NTNG1: variants seen among roughly 807,000 people sequenced by gnomAD.
NTNG1 encodes netrin-G1.
In NTNG1, 16 loss-of-function variants were observed where a neutral mutation model predicts 54.0. The ratio of observed to expected loss-of-function variants is 0.30; its 90% CI spans 0.20 to 0.45. The LOEUF (loss-of-function observed/expected upper bound fraction) is 0.45. Ranked by LOEUF, NTNG1 falls within the 20% of genes least tolerant of loss-of-function variation. NTNG1 has a pLI of 1.00. For synonymous variants in NTNG1, 255 were observed against 263.1 expected (o/e 0.97, Z 0.30); for missense variants, 530 against 678.7 (o/e 0.78, Z 2.43).
chr1:107,344,596 A>G (rs2101937200), intron 3 of NTNG1, among the ~76,000 whole-genome samples: 1 of 152,224 alleles, frequency 6.6e-6, no homozygotes, highest in Non-Finnish European at 1.5e-5. Context: ...ATTTTTTTCA[A>G]GTCTACTTGA....
intron 7 of NTNG1, among the ~76,000 whole-genome samples, chr1:107,447,082 T>A (rs943250362): frequency 7.8e-6 from 1 of 128,882 alleles, no homozygotes; most frequent in African/African-American, 2.6e-5. Context: ...TTACAGATAT[T>A]TTTTTCTAAA....
rs1276283279 is a variant in NTNG1, at chr1:107,148,683, T to C, written c.90T>C (p.Tyr30=). ...CCTACCCTTTGGTTTGGGGACATTA[T>C]GATTTGTGTAAGACTCAGATTTACA... is the stretch of plus-strand genomic sequence containing the variant. The part of the protein sequence containing the change: ...MQPYPLVWGH[Y]DLCKTQIYTE... The change falls in exon 2 of 8, where the codon TAT becomes TAC. Residue 30 remains tyrosine, a synonymous_variant. Transcript: ENST00000370068. 6.2e-7 allele frequency: 1 copy of C among 1,613,730 alleles called. No individual in the cohort carries two copies. The highest frequency in any genetic ancestry group is 2.2e-5 in the East Asian group (1 of 44,864).
intron 2 of NTNG1, among the ~76,000 whole-genome samples, chr1:107,278,632 T>C (rs1232245377): frequency 6.6e-6 from 1 of 152,186 alleles, no homozygotes; most frequent in Non-Finnish European, 1.5e-5. Flanking sequence ...CCATAACCTC[T>C]CTTTCAATGA....
intron 2 of NTNG1, among the ~76,000 whole-genome samples, chr1:107,228,137 A>C (rs1248635666): frequency 6.6e-6 from 1 of 152,118 alleles, no homozygotes; most frequent in Non-Finnish European, 1.5e-5. Flanking sequence ...TTCCTCGTTG[A>C]GATTTGAATC....
At chr1:107,237,618 C>T (rs1661499408) in intron 2 of NTNG1, among the ~76,000 whole-genome samples, 1 of 152,060 alleles carries the variant, frequency 6.6e-6, no homozygotes, top group South Asian at 2.1e-4. Context: ...GCCCAGGGTC[C>T]CTGTGCTATG....
In NTNG1 at chr1:107,141,116, G is replaced by C. The variant is rs1217646123; in HGVS notation, c.-550G>C. On this transcript the variant is annotated 5_prime_UTR_variant, in exon 1 of 8. Transcript: ENST00000370068. The stretch of plus-strand genomic sequence containing the variant: ...TCCGAGAGGGGGCGACTTGCAGGAG[G>C]CTCCCCCCGGGGGCGGAGGCGAAGG... The C allele has an allele frequency of 6.6e-6, 1 of 152,496 alleles. No homozygotes were observed. The highest frequency in any genetic ancestry group is 1.5e-5 in the Non-Finnish European group (1 of 68,020). The allele number at this position is 152,496 out of a possible 1,614,324, so 9.4% of individuals were successfully genotyped here.
At chr1:107,218,641 G>A (rs866785055) in intron 2 of NTNG1, among the ~76,000 whole-genome samples, 4 of 152,166 alleles carry the variant, frequency 2.6e-5, no homozygotes, top group African/African-American at 9.7e-5. Flanking sequence ...TTCTCATGGT[G>A]CTGGCTTGGT....
chr1:107,475,667 C>A (rs891082558), intron 7 of NTNG1, among the ~76,000 whole-genome samples: 1 of 152,154 alleles, frequency 6.6e-6, no homozygotes, highest in Non-Finnish European at 1.5e-5. Flanking sequence ...TTGTACCTTC[C>A]CCAAAATATA....
intron 7 of NTNG1, among the ~76,000 whole-genome samples, chr1:107,464,951 G>A (rs1185759192): frequency 1.3e-5 from 2 of 152,106 alleles, no homozygotes; most frequent in Non-Finnish European, 2.9e-5. Flanking sequence ...CTTATGTGGT[G>A]TTTCTCTCCA....
chr1:107,356,270 A>G lies in NTNG1; in HGVS notation c.887+31348A>G, dbSNP rs563828874. ...TGGTAGAAAGTATATTCTCAAAAAT[A>G]TTTATTGAATGAATGAATAAATTTA... On this transcript the variant is annotated intron_variant, in intron 3 of 7. Transcript: ENST00000370068. Among the ~76,000 whole-genome samples the G allele has an allele frequency of 3.9e-5, 6 of 152,310 alleles. No homozygotes were observed. The South Asian group carries it at 1.2e-3, about 32-fold the overall frequency.
At chr1:107,238,410 T>A (rs939978245) in intron 2 of NTNG1, among the ~76,000 whole-genome samples, 13 of 152,160 alleles carry the variant, frequency 8.5e-5, no homozygotes, top group Non-Finnish European at 1.5e-4. Context: ...ACTTTTGAGT[T>A]AATGCTGAAA....
intron 2 of NTNG1, among the ~76,000 whole-genome samples, chr1:107,189,763 G>A (rs1015597711): frequency 6.6e-6 from 1 of 150,886 alleles, no homozygotes; most frequent in Non-Finnish European, 1.5e-5. Flanking sequence ...AAACAGAAAG[G>A]CCTCAATGTC....
At chr1:107,250,654 T>C (rs1327224400) in intron 2 of NTNG1, among the ~76,000 whole-genome samples, 11 of 152,212 alleles carry the variant, frequency 7.2e-5, no homozygotes, top group African/African-American at 2.4e-4. Context: ...TGTAATACCT[T>C]TGCAAAACTG....
At chr1:107,460,794 AG>A (rs1677236879) in intron 7 of NTNG1, among the ~76,000 whole-genome samples, 1 of 152,184 alleles carries the variant, frequency 6.6e-6, no homozygotes, top group African/African-American at 2.4e-5. Context: ...CCCTGGAGCA[AG>A]GCTGCATAAA....
At chr1:107,408,871 A>G (rs187021456) in intron 5 of NTNG1, 2 of 152,238 alleles carry the variant, frequency 1.3e-5, no homozygotes, top group East Asian at 3.9e-4. Context: ...CAATACTCTG[A>G]TAATTTGGAT....
chr1:107,400,063 A>G (rs1217324290), intron 4 of NTNG1, among the ~76,000 whole-genome samples: 2 of 152,172 alleles, frequency 1.3e-5, no homozygotes, highest in Non-Finnish European at 2.9e-5. Flanking sequence ...GTCGTAATCA[A>G]CCAATTCTAA....
chr1:107,395,108 A>T (rs139938167), intron 3 of NTNG1, 46 bp from the exon 4 acceptor site: 1 of 1,555,670 alleles, frequency 6.4e-7, no homozygotes, highest in East Asian at 2.2e-5. Context: ...GTGGTCACCA[A>T]GACCAACTTA....
At chr1:107,204,718 G>A (rs1659047198) in intron 2 of NTNG1, among the ~76,000 whole-genome samples, 1 of 152,122 alleles carries the variant, frequency 6.6e-6, no homozygotes, top group Non-Finnish European at 1.5e-5. Flanking sequence ...TAAAGTTTTA[G>A]GGTGTTTTGT....
intron 2 of NTNG1, among the ~76,000 whole-genome samples, chr1:107,315,590 T>A (rs1412862998): frequency 6.6e-6 from 1 of 152,134 alleles, no homozygotes; most frequent in African/African-American, 2.4e-5. Flanking sequence ...CTACCTCAAC[T>A]TAGGGCCTGG....
Sources: allele counts gnomAD v4.1 joint callset (sites outside exome capture counted in the v4.1 genomes callset), GRCh38; gene constraint gnomAD v4.1.1; transcripts MANE v1.5; gene names NCBI Gene and HGNC (gene_info 2026-07-23, HGNC 2026-07-21).